Variants in WDFY2 observed in about 807,000 individuals in gnomAD.
WDFY2 encodes the protein WD repeat and FYVE domain-containing protein 2.
In WDFY2, 36 loss-of-function variants were observed where a neutral mutation model predicts 56.4. The observed-to-expected ratio is 0.64, with a 90% CI of 0.49 to 0.84. The LOEUF is 0.84. Among genes scored for constraint, WDFY2 ranks in the 40% least tolerant of loss-of-function variants. The probability of loss-of-function intolerance (pLI) is 0.00; values close to 1 mark genes in which losing one functional copy is unlikely to be tolerated. For missense variants in WDFY2, 444 were observed against 512.2 expected (o/e 0.87, Z 1.29); for synonymous variants, 176 against 183.7 (o/e 0.96, Z 0.34).
intron 1 of WDFY2, among the ~76,000 whole-genome samples, chr13:51,619,654 A>G (rs1954688971): frequency 1.3e-5 from 2 of 152,200 alleles, no homozygotes; most frequent in Admixed American, 6.5e-5. Flanking sequence ...TAAAAGAAAA[A>G]CTTTAGACAA....
In WDFY2 at chr13:51,584,865, G is replaced by C. The variant is rs532338986; in HGVS notation, c.137+41G>C. ...ATTCGGCCGCGAGGAGGGGCGGGAC[G>C]GGCCGACGGCCCTCGAGCCCGCGTC... On this transcript the variant is annotated intron_variant, in intron 1 of 11. Coordinates refer to ENST00000298125, the MANE Select transcript of WDFY2 (RefSeq NM_052950.4). 4.1e-5 allele frequency: 66 copies of C among 1,608,212 alleles called. No individual in the cohort carries two copies. In the South Asian group the frequency reaches 7.1e-4, roughly 17 times the overall value.
chr13:51,693,180 G>C (rs1263593494), intron 3 of WDFY2, among the ~76,000 whole-genome samples: 1 of 151,700 alleles, frequency 6.6e-6, no homozygotes, highest in African/African-American at 2.4e-5. Context: ...AGGTTTTTTT[G>C]TGTCTCTATT....
intron 4 of WDFY2, among the ~76,000 whole-genome samples, chr13:51,712,621 G>A (rs1470121467): frequency 3.3e-5 from 5 of 151,842 alleles, no homozygotes; most frequent in African/African-American, 1.2e-4. Context: ...GCAGAAAAAA[G>A]GAGAGATCAG....
At chr13:51,676,804 A>C (rs74862565) in intron 3 of WDFY2, among the ~76,000 whole-genome samples, 2,039 of 152,334 alleles carry the variant, frequency 0.013, 53 homozygotes, top group African/African-American at 0.047. Context: ...AGGTGTGCAT[A>C]TGAGATAAAT....
At chr13:51,625,976 C>G (rs763920927) in intron 1 of WDFY2, among the ~76,000 whole-genome samples, 1 of 152,198 alleles carries the variant, frequency 6.6e-6, no homozygotes, top group African/African-American at 2.4e-5. Context: ...TTCATGCACC[C>G]TCTGGTCATA....
Position 51,756,233 on chromosome 13 carries a change from A to C in WDFY2, c.934-99A>C, listed in dbSNP as rs1427741598. ...TCTCTTGTTCAGCATCCTCACCTGG[A>C]TGCAGTTGATTACACCTCTCTGCCA... On this transcript the variant is annotated intron_variant, in intron 9 of 11. Coordinates refer to ENST00000298125, the MANE Select transcript of WDFY2 (RefSeq NM_052950.4). 6.0e-6 allele frequency: 9 copies of C among 1,497,136 alleles called. No homozygotes were observed. In the Admixed American group the frequency reaches 8.6e-5, roughly 14 times the overall value. The allele number at this position is 1,497,136 out of a possible 1,614,324, so 92.7% of individuals were successfully genotyped here. A position where few individuals can be genotyped will look rare whatever the true frequency, so the allele number is the denominator to read the frequency against.
intron 1 of WDFY2, chr13:51,594,339 T>A (rs1954105957): frequency 6.6e-6 from 1 of 152,232 alleles, no homozygotes; most frequent in African/African-American, 2.4e-5. Flanking sequence ...AAAATAACTT[T>A]TTGATTGGTT....
intron 2 of WDFY2, among the ~76,000 whole-genome samples, chr13:51,665,929 A>G (rs1288805841): frequency 2.0e-5 from 3 of 152,220 alleles, no homozygotes; most frequent in Non-Finnish European, 2.9e-5. Context: ...CACCTAATGT[A>G]GCGATGAAAT....
rs570392995 is a variant in WDFY2, at chr13:51,635,786, A to C, written c.138-24810A>C. On this transcript the variant is annotated intron_variant, in intron 1 of 11. Transcript: ENST00000298125. ...AGGATTAAATGATACAAAGCAAATA[A>C]AACACAATGTGTCTGAAAATAATGA... Among the ~76,000 whole-genome samples the C allele has an allele frequency of 2.0e-5, 3 of 152,324 alleles. No homozygotes were observed. The East Asian group carries it at 5.8e-4, about 29-fold the overall frequency.
intron 2 of WDFY2, among the ~76,000 whole-genome samples, chr13:51,666,659 T>C (rs1955707040): frequency 6.6e-6 from 1 of 152,212 alleles, no homozygotes; most frequent in African/African-American, 2.4e-5. Flanking sequence ...ATGTGAAACA[T>C]GAAACTTAAC....
Position 51,759,656 on chromosome 13 carries a change from A to T in WDFY2, c.1174-84A>T, listed in dbSNP as rs1473472933. On this transcript the variant is annotated intron_variant, in intron 11 of 11. Coordinates refer to ENST00000298125, the MANE Select transcript of WDFY2 (RefSeq NM_052950.4). The stretch of plus-strand genomic sequence containing the variant: ...ATGTGGTGGTTTGTTAAATGAAAAA[A>T]ATTTCCTTGAAGAATTCAGTTCTAA... The T allele has an allele frequency of 6.5e-6, 9 of 1,377,828 alleles. No homozygotes were observed. The Admixed American group carries it at 1.5e-4, about 23-fold the overall frequency. 85.4% of individuals were successfully genotyped at this position (1,377,828 alleles called of 1,614,324 possible). A position where few individuals can be genotyped will look rare whatever the true frequency, so the allele number is the denominator to read the frequency against.
intron 1 of WDFY2, chr13:51,591,860 C>G (rs1954050412): frequency 2.0e-5 from 3 of 152,180 alleles, no homozygotes; most frequent in African/African-American, 4.8e-5. Flanking sequence ...CACCCCTGGC[C>G]TGGCCTGCTT....
chr13:51,679,548 A>C (rs1404653934), intron 3 of WDFY2, among the ~76,000 whole-genome samples: 3 of 152,198 alleles, frequency 2.0e-5, no homozygotes, highest in African/African-American at 7.2e-5. Context: ...TTGTCTAAAA[A>C]TAACTGACAT....
At chr13:51,714,330 C>T (rs1453894007) in intron 4 of WDFY2, among the ~76,000 whole-genome samples, 1 of 151,672 alleles carries the variant, frequency 6.6e-6, no homozygotes, top group African/African-American at 2.4e-5. Context: ...TCGTTCTTGT[C>T]GCCCAGGCTG....
chr13:51,627,131 G>A (rs769434990), intron 1 of WDFY2, among the ~76,000 whole-genome samples: 7 of 152,252 alleles, frequency 4.6e-5, no homozygotes, highest in Non-Finnish European at 8.8e-5. Context: ...CCTGTGTCCA[G>A]ATGAGGGGAA....
chr13:51,655,910 T>C (rs931934786), intron 1 of WDFY2, among the ~76,000 whole-genome samples: 1 of 152,108 alleles, frequency 6.6e-6, no homozygotes, highest in Non-Finnish European at 1.5e-5. Flanking sequence ...TAGGAATTTG[T>C]TTATTTAATC....
At chr13:51,670,299 T>TAGGAG (rs1955783253) in intron 2 of WDFY2, among the ~76,000 whole-genome samples, 1 of 152,114 alleles carries the variant, frequency 6.6e-6, no homozygotes, top group Admixed American at 6.5e-5. Flanking sequence ...GTCAATCTGT[T>TAGGAG]TACTCCTCTG....
intron 1 of WDFY2, among the ~76,000 whole-genome samples, chr13:51,637,060 T>C (rs1445669421): frequency 6.6e-6 from 1 of 152,256 alleles, no homozygotes; most frequent in African/African-American, 2.4e-5. Flanking sequence ...GTTATTCTTA[T>C]GCACATTAAA....
At chr13:51,613,756 A>T (rs1395225537) in intron 1 of WDFY2, among the ~76,000 whole-genome samples, 2 of 152,118 alleles carry the variant, frequency 1.3e-5, no homozygotes, top group Non-Finnish European at 2.9e-5. Flanking sequence ...TGGTGTGCTG[A>T]TAAGGGTAAT....
Sources: allele counts gnomAD v4.1 joint callset (sites outside exome capture counted in the v4.1 genomes callset), GRCh38; gene constraint gnomAD v4.1.1; transcripts MANE v1.5; gene names NCBI Gene and HGNC (gene_info 2026-07-23, HGNC 2026-07-21).